MYRIP: variants seen among roughly 807,000 people sequenced by gnomAD.
MYRIP encodes rab effector MyRIP.
Under a neutral mutation model 98.0 loss-of-function variants are expected in MYRIP, and 49 were observed. That is an observed-to-expected ratio of 0.50 (90% confidence interval 0.40 to 0.63). The LOEUF is 0.63. Ranked by LOEUF, MYRIP falls within the 30% of genes least tolerant of loss-of-function variation. MYRIP has a pLI of 0.00. For missense variants in MYRIP, 1,004 were observed against 1,058.2 expected (o/e 0.95, Z 0.71); for synonymous variants, 404 against 409.5 (o/e 0.99, Z 0.16).
Position 39,975,884 on chromosome 3 carries a change from A to C in MYRIP, c.111-68166A>C, listed in dbSNP as rs1945738158. 3.9e-5 allele frequency among the ~76,000 whole-genome samples: 6 copies of C among 152,224 alleles called. No individual in the cohort carries two copies. In the South Asian group the frequency reaches 1.2e-3, roughly 31 times the overall value. On this transcript the variant is annotated intron_variant, in intron 2 of 16. Transcript: ENST00000302541. ...AAACTGGATCCCTTCCTTACATCTT[A>C]TACAAAAATTAATTCCAGATGGATT... is the stretch of plus-strand genomic sequence containing the variant.
At chr3:39,832,783 A>G (rs368955284) in intron 1 of MYRIP, among the ~76,000 whole-genome samples, 2 of 152,292 alleles carry the variant, frequency 1.3e-5, no homozygotes, top group African/African-American at 2.4e-5. Context: ...AGGTGGCTTC[A>G]CTGTTTATAT....
intron 7 of MYRIP, among the ~76,000 whole-genome samples, chr3:40,167,470 G>A (rs1187610843): frequency 6.6e-6 from 1 of 152,200 alleles, no homozygotes; most frequent in Non-Finnish European, 1.5e-5. Context: ...CCCTTGCATG[G>A]TGTACCTGTC....
chr3:39,983,610 G>A (rs1448090748), intron 2 of MYRIP, among the ~76,000 whole-genome samples: 2 of 152,110 alleles, frequency 1.3e-5, no homozygotes, highest in African/African-American at 4.8e-5. Context: ...GGGGTACAGC[G>A]GTAAGCCACA....
intron 2 of MYRIP, among the ~76,000 whole-genome samples, chr3:40,020,218 AC>A (rs1436820431): frequency 6.6e-6 from 1 of 152,158 alleles, no homozygotes. Context: ...TTTACCTCCC[AC>A]TTACAAGTGA....
intron 15 of MYRIP, among the ~76,000 whole-genome samples, chr3:40,250,716 G>A (rs574479958): frequency 6.6e-6 from 1 of 152,316 alleles, no homozygotes; most frequent in African/African-American, 2.4e-5. Context: ...TAGAGAAGAA[G>A]ATAAATGATT....
At chr3:39,917,335 A>G (rs1215999750) in intron 2 of MYRIP, among the ~76,000 whole-genome samples, 1 of 151,158 alleles carries the variant, frequency 6.6e-6, no homozygotes, top group Non-Finnish European at 1.5e-5. Flanking sequence ...ATTCATTGCC[A>G]GGAACATGAC....
chr3:40,037,365 A>G (rs751279927), intron 2 of MYRIP, among the ~76,000 whole-genome samples: 8 of 152,048 alleles, frequency 5.3e-5, no homozygotes, highest in Non-Finnish European at 1.0e-4. Flanking sequence ...ATAGCCTTTT[A>G]TCTTGTAGCT....
At chr3:40,180,791 A>G (rs1644488420) in intron 8 of MYRIP, among the ~76,000 whole-genome samples, 1 of 152,178 alleles carries the variant, frequency 6.6e-6, no homozygotes, top group South Asian at 2.1e-4. Flanking sequence ...GATCACCCCA[A>G]GGTTTCGTGG....
intron 2 of MYRIP, among the ~76,000 whole-genome samples, chr3:40,012,816 A>G (rs1428974306): frequency 6.6e-6 from 1 of 151,988 alleles, no homozygotes; most frequent in Non-Finnish European, 1.5e-5. Flanking sequence ...GAATTACCCC[A>G]CTGACTTCCC....
intron 2 of MYRIP, among the ~76,000 whole-genome samples, chr3:39,949,775 G>A (rs981203693): frequency 1.3e-5 from 2 of 152,160 alleles, no homozygotes; most frequent in African/African-American, 4.8e-5. Flanking sequence ...CCCTGGATAT[G>A]ATTTGGCTCA....
chr3:39,869,061 T>C (rs1194467965), intron 1 of MYRIP, among the ~76,000 whole-genome samples: 1 of 152,226 alleles, frequency 6.6e-6, no homozygotes, highest in East Asian at 1.9e-4. Flanking sequence ...TTATCCTACC[T>C]GGAGTTCTTC....
chr3:40,148,854 G>A (rs1170076763), intron 3 of MYRIP, among the ~76,000 whole-genome samples: 1 of 152,066 alleles, frequency 6.6e-6, no homozygotes, highest in African/African-American at 2.4e-5. Flanking sequence ...AACCAACATG[G>A]GCCTCCTCTG....
chr3:39,951,021 A>G (rs1945000698), intron 2 of MYRIP, among the ~76,000 whole-genome samples: 1 of 152,202 alleles, frequency 6.6e-6, no homozygotes, highest in Non-Finnish European at 1.5e-5. Flanking sequence ...CTCAGTTAAT[A>G]TATTTTGGAA....
chr3:40,009,430 G>A (rs1485258675), intron 2 of MYRIP, among the ~76,000 whole-genome samples: 1 of 152,074 alleles, frequency 6.6e-6, no homozygotes, highest in Non-Finnish European at 1.5e-5. Flanking sequence ...TGGAGACGGG[G>A]TTTCACTGTG....
At chr3:40,106,893 T>C (rs866655599) in intron 3 of MYRIP, among the ~76,000 whole-genome samples, 18 of 152,330 alleles carry the variant, frequency 1.2e-4, no homozygotes, top group Admixed American at 7.2e-4. Context: ...TGGCCTTTTT[T>C]TCATTTTTAA....
intron 1 of MYRIP, among the ~76,000 whole-genome samples, chr3:39,839,853 C>T (rs1253824846): frequency 9.2e-5 from 14 of 152,094 alleles, no homozygotes; most frequent in Admixed American, 5.9e-4. Flanking sequence ...TTATGGTTTC[C>T]GTTCCTTTAC....
intron 2 of MYRIP, among the ~76,000 whole-genome samples, chr3:39,912,712 A>AC (rs1158249874): frequency 6.6e-6 from 1 of 152,150 alleles, no homozygotes; most frequent in African/African-American, 2.4e-5. Flanking sequence ...GTAGTGCCAA[A>AC]CCCCCATACG....
intron 3 of MYRIP, among the ~76,000 whole-genome samples, chr3:40,131,229 T>C (rs907768003): frequency 1.3e-5 from 2 of 152,240 alleles, no homozygotes; most frequent in Non-Finnish European, 2.9e-5. Context: ...AAACTCCATA[T>C]AAGCAAAGCT....
intron 2 of MYRIP, among the ~76,000 whole-genome samples, chr3:39,918,265 T>A (rs570100152): frequency 1.5e-4 from 23 of 152,292 alleles, no homozygotes; most frequent in African/African-American, 4.3e-4. Context: ...AGCATCAAAT[T>A]TGTGCTCAAA....
Sources: gnomAD v4.1 joint callset for allele counts (sites outside exome capture counted in the v4.1 genomes callset) on GRCh38, gnomAD v4.1.1 for gene constraint, MANE v1.5 for transcripts, NCBI Gene and HGNC (gene_info 2026-07-23, HGNC 2026-07-21) for gene names.